CADPS2: variants seen among roughly 807,000 people sequenced by gnomAD.
The protein encoded by CADPS2 is calcium dependent secretion activator 2.
In CADPS2, 93 loss-of-function variants were observed where a neutral mutation model predicts 172.5. That is an observed-to-expected ratio of 0.54 (90% CI 0.46 to 0.64). CADPS2 has a LOEUF of 0.64. Among genes scored for constraint, CADPS2 ranks in the 30% least tolerant of loss-of-function variants. The pLI is 0.00. For synonymous variants in CADPS2, 546 were observed against 555.2 expected, an observed-to-expected ratio of 0.98 and a Z score of 0.23; for missense variants, 1,420 against 1,565.9, an observed-to-expected ratio of 0.91 and a Z score of 1.57.
chr7:122,847,911 C>T (rs78220034), intron 1 of CADPS2, among the ~76,000 whole-genome samples: 24 of 152,222 alleles, frequency 1.6e-4, no homozygotes, highest in African/African-American at 4.8e-4. Context: ...GAAAGCAATA[C>T]GGTAGCAAAG....
At chr7:122,818,319 G>A (rs943339643) in intron 1 of CADPS2, among the ~76,000 whole-genome samples, 2 of 152,104 alleles carry the variant, frequency 1.3e-5, no homozygotes, top group African/African-American at 4.8e-5. Context: ...AAACTCGACA[G>A]TAGTTCCAAA....
At chr7:122,408,180 ATTTT>A (rs35514146) in intron 19 of CADPS2, among the ~76,000 whole-genome samples, 1 of 141,444 alleles carries the variant, frequency 7.1e-6, no homozygotes, top group Non-Finnish European at 1.6e-5. Flanking sequence ...ATATACTGTT[ATTTT>A]TTTTTTTTTA....
intron 17 of CADPS2, among the ~76,000 whole-genome samples, chr7:122,431,029 T>C (rs2049840527): frequency 6.6e-6 from 1 of 152,236 alleles, no homozygotes; most frequent in African/African-American, 2.4e-5. Flanking sequence ...TGATCCAGCA[T>C]TAGTGCTTCC....
intron 1 of CADPS2, among the ~76,000 whole-genome samples, chr7:122,802,746 C>T (rs1797930770): frequency 6.6e-6 from 1 of 152,126 alleles, no homozygotes; most frequent in African/African-American, 2.4e-5. Context: ...CTACTTTCAC[C>T]ATTAGCAGCA....
At chr7:122,426,387 T>A (rs1175829654) in intron 17 of CADPS2, among the ~76,000 whole-genome samples, 1 of 152,222 alleles carries the variant, frequency 6.6e-6, no homozygotes, top group Non-Finnish European at 1.5e-5. Flanking sequence ...TCACTGTGAA[T>A]GTGTGTGCAT....
chr7:122,871,232 G>C (rs999804670), intron 1 of CADPS2, among the ~76,000 whole-genome samples: 1 of 151,302 alleles, frequency 6.6e-6, no homozygotes. Context: ...TTTGACTTAT[G>C]TATTCCAGCA....
chr7:122,722,269 A>C (rs1473993724), intron 2 of CADPS2, among the ~76,000 whole-genome samples: 1 of 152,084 alleles, frequency 6.6e-6, no homozygotes, highest in Non-Finnish European at 1.5e-5. Flanking sequence ...TTTGCAGATG[A>C]CATGATTGTA....
intron 1 of CADPS2, among the ~76,000 whole-genome samples, chr7:122,802,179 C>T (rs536932748): frequency 1.3e-5 from 2 of 152,278 alleles, no homozygotes; most frequent in African/African-American, 4.8e-5. Context: ...TTGGAGGACT[C>T]TATACTGTAA....
intron 1 of CADPS2, among the ~76,000 whole-genome samples, chr7:122,883,525 T>G (rs576204765): frequency 3.5e-4 from 54 of 152,348 alleles, no homozygotes; most frequent in African/African-American, 1.3e-3. Flanking sequence ...TTACTTCTTT[T>G]AGATAATCTA....
At chr7:122,325,632 C>A (rs913412108) in intron 28 of CADPS2, 51 bp from the exon 29 acceptor site, 10 of 1,107,062 alleles carry the variant, frequency 9.0e-6, no homozygotes, top group Non-Finnish European at 1.4e-6. Flanking sequence ...AAGAAAACAA[C>A]CTCTGCAGTA....
intron 2 of CADPS2, among the ~76,000 whole-genome samples, chr7:122,692,344 G>C (rs1203757798): frequency 6.6e-6 from 1 of 152,188 alleles, no homozygotes; most frequent in Admixed American, 6.5e-5. Flanking sequence ...TGGATCACTG[G>C]GCGAGCCTGC....
At chr7:122,737,511 A>G (rs1245079280) in intron 1 of CADPS2, among the ~76,000 whole-genome samples, 1 of 152,132 alleles carries the variant, frequency 6.6e-6, no homozygotes, top group Admixed American at 6.6e-5. Context: ...GCACCCGGAC[A>G]CTAATGGTTA....
At chr7:122,757,139 C>T (rs2093198201) in intron 1 of CADPS2, among the ~76,000 whole-genome samples, 1 of 149,008 alleles carries the variant, frequency 6.7e-6, no homozygotes, top group African/African-American at 2.5e-5. Flanking sequence ...CTTCTGTTAA[C>T]ATAAGTTAGG....
chr7:122,705,666 T>TC (rs2086955974), intron 2 of CADPS2, among the ~76,000 whole-genome samples: 3 of 78,794 alleles, frequency 3.8e-5, no homozygotes, highest in African/African-American at 1.6e-4. Context: ...ATCTCATATA[T>TC]AATATATTAT....
At chr7:122,601,599 A>G (rs2072789691) in intron 6 of CADPS2, among the ~76,000 whole-genome samples, 1 of 152,096 alleles carries the variant, frequency 6.6e-6, no homozygotes, top group African/African-American at 2.4e-5. Context: ...TCCTTAAAAA[A>G]ACATTTCTTT....
chr7:122,350,608 G>A (rs1217156940), intron 27 of CADPS2, among the ~76,000 whole-genome samples: 1 of 152,108 alleles, frequency 6.6e-6, no homozygotes, highest in African/African-American at 2.4e-5. Context: ...AAAACCAGAT[G>A]GAAATACACA....
At chr7:122,657,968 G>A (rs1159526800) in intron 3 of CADPS2, among the ~76,000 whole-genome samples, 4 of 151,852 alleles carry the variant, frequency 2.6e-5, no homozygotes, top group Non-Finnish European at 5.9e-5. Flanking sequence ...CAGAATGGGA[G>A]AAAATTTTTG....
intron 14 of CADPS2, among the ~76,000 whole-genome samples, chr7:122,454,562 G>T (rs2053531292): frequency 1.3e-5 from 2 of 152,106 alleles, no homozygotes; most frequent in South Asian, 2.1e-4. Context: ...TGTCTAAGGT[G>T]GAGACGTTAA....
chr7:122,651,262 A>G, intron 3 of CADPS2, among the ~76,000 whole-genome samples: 1 of 35,054 alleles, frequency 2.9e-5, no homozygotes, highest in Non-Finnish European at 6.4e-5. Context: ...ACTAGTTGGA[A>G]AAAAAAAAAA....
Sources: allele counts gnomAD v4.1 joint callset (sites outside exome capture counted in the v4.1 genomes callset), GRCh38; gene constraint gnomAD v4.1.1; transcripts MANE v1.5; gene names NCBI Gene and HGNC (gene_info 2026-07-23, HGNC 2026-07-21).